The following SMYD2 variants were observed in gnomAD, a reference collection of about 807,000 sequenced individuals.
The protein encoded by SMYD2 is N-lysine methyltransferase SMYD2.
Under a neutral mutation model 59.1 loss-of-function variants are expected in SMYD2, and 53 were observed. The ratio of observed to expected loss-of-function variants is 0.90; its 90% CI spans 0.72 to 1.13. The LOEUF (loss-of-function observed/expected upper bound fraction) is 1.13, where lower values mean the gene tolerates loss of function less well. Ranked by LOEUF, SMYD2 falls within the 50% of genes most tolerant of loss-of-function variation. The pLI, the probability that SMYD2 is intolerant of heterozygous loss-of-function variation, is 0.00. For missense variants in SMYD2, 494 were observed against 544.7 expected, an observed-to-expected ratio of 0.91 and a Z score of 0.93; for synonymous variants, 208 against 198.8, an observed-to-expected ratio of 1.05 and a Z score of -0.39.
chr1:214,294,598 G>C (rs1013235248), intron 1 of SMYD2, among the ~76,000 whole-genome samples: 4 of 152,096 alleles, frequency 2.6e-5, no homozygotes, highest in African/African-American at 9.7e-5. Flanking sequence ...TTGAACCCGG[G>C]AGGCAGAGGT....
chr1:214,291,768 G>A (rs551895675), intron 1 of SMYD2, among the ~76,000 whole-genome samples: 2 of 152,234 alleles, frequency 1.3e-5, no homozygotes, highest in Non-Finnish European at 2.9e-5. Context: ...CTAAGAGAGA[G>A]CTTCGATCAG....
chr1:214,313,781 A>G (rs748064980), intron 2 of SMYD2, among the ~76,000 whole-genome samples: 103 of 151,928 alleles, frequency 6.8e-4, no homozygotes, highest in Non-Finnish European at 3.2e-4. Context: ...CCTTCTCTCA[A>G]TGCCTTCCCC....
intron 2 of SMYD2, 75 bp downstream of exon 2, chr1:214,305,325 A>G: frequency 1.5e-6 from 2 of 1,372,736 alleles, no homozygotes; most frequent in Non-Finnish European, 2.1e-6. Flanking sequence ...GGCATTCCTC[A>G]GCGCCCTCCT....
intron 2 of SMYD2, among the ~76,000 whole-genome samples, chr1:214,311,899 A>C (rs570341438): frequency 7.2e-5 from 11 of 152,038 alleles, no homozygotes; most frequent in Non-Finnish European, 1.5e-4. Context: ...GCATTTGTCT[A>C]TAGTTGTTAA....
chr1:214,282,396 T>TA (rs1235204233), intron 1 of SMYD2, among the ~76,000 whole-genome samples: 1 of 152,228 alleles, frequency 6.6e-6, no homozygotes, highest in Admixed American at 6.5e-5. Context: ...AGGTGCTCAG[T>TA]AAATTTACTA....
chr1:214,286,788 TACCA>T (rs1485189987), intron 1 of SMYD2, among the ~76,000 whole-genome samples: 12 of 139,144 alleles, frequency 8.6e-5, no homozygotes, highest in African/African-American at 3.2e-4. Flanking sequence ...ATACCCACCC[TACCA>T]ACCAAGCTAA....
At chr1:214,321,829 ACTTTT>A (rs1553255726) in intron 5 of SMYD2, among the ~76,000 whole-genome samples, 1 of 152,236 alleles carries the variant, frequency 6.6e-6, no homozygotes, top group Non-Finnish European at 1.5e-5. Context: ...ATGCAAGTTC[ACTTTT>A]CTTCTCTAGG....
intron 2 of SMYD2, among the ~76,000 whole-genome samples, chr1:214,310,123 T>C (rs1656976220): frequency 6.6e-6 from 1 of 152,222 alleles, no homozygotes; most frequent in Non-Finnish European, 1.5e-5. Flanking sequence ...AGGCAACATA[T>C]TTGCTCAGCA....
At chr1:214,304,914 C>G (rs1172928565) in intron 1 of SMYD2, among the ~76,000 whole-genome samples, 3 of 149,052 alleles carry the variant, frequency 2.0e-5, no homozygotes, top group Non-Finnish European at 2.9e-5. Flanking sequence ...GGTCACCAGT[C>G]AGTCAGAGCT....
intron 9 of SMYD2, 111 bp downstream of exon 9, chr1:214,331,181 G>A: frequency 6.7e-7 from 1 of 1,488,612 alleles, no homozygotes; most frequent in South Asian, 1.3e-5. Flanking sequence ...GAAAACCAAA[G>A]GAGGAATGTC....
At chr1:214,329,589 C>T (rs182843574) in intron 7 of SMYD2, among the ~76,000 whole-genome samples, 9 of 152,322 alleles carry the variant, frequency 5.9e-5, no homozygotes, top group Admixed American at 3.9e-4. Context: ...CCCGCTGGGC[C>T]AGGCCGCAGC....
intron 1 of SMYD2, among the ~76,000 whole-genome samples, chr1:214,302,113 TG>T (rs1656833597): frequency 6.6e-6 from 1 of 152,096 alleles, no homozygotes. Context: ...AGGCTGAGGC[TG>T]GTGGATCACC....
Position 214,310,165 on chromosome 1 carries a change from C to A in SMYD2, c.238-4597C>A, listed in dbSNP as rs80325436. 3.1e-3 allele frequency among the ~76,000 whole-genome samples: 465 copies of A among 152,364 alleles called. 1 individual carries two copies. Among genetic ancestry groups the A allele is most frequent in the African/African-American group, 0.011 (446 of 41,576 alleles). On this transcript the variant is annotated intron_variant, in intron 2 of 11. Transcript: ENST00000366957. ...TGGATGCCATAATAATCACTCTTTT[C>A]TTCCAGTGCTGGAAATGCTGGTGCA...
intron 1 of SMYD2, among the ~76,000 whole-genome samples, chr1:214,282,550 C>T (rs1656467662): frequency 6.6e-6 from 1 of 152,200 alleles, no homozygotes; most frequent in Non-Finnish European, 1.5e-5. Context: ...ACCTGCGGTC[C>T]TGCAGGGACC....
At chr1:214,299,465 T>TTTTATATATATATA (rs1553254477) in intron 1 of SMYD2, among the ~76,000 whole-genome samples, 8 of 71,608 alleles carry the variant, frequency 1.1e-4, no homozygotes, top group African/African-American at 5.9e-4. Context: ...AAAGAAAACA[T>TTTTATATATATATA]TATATATATA....
Position 214,336,765 on chromosome 1 carries a change from A to C in SMYD2, c.1283A>C (p.Gln428Pro), listed in dbSNP as rs1657446662. 3 of 1,613,576 alleles carry C rather than the reference A, an allele frequency of 1.9e-6. No homozygotes were observed. The highest frequency in any genetic ancestry group is 1.7e-6 in the Non-Finnish European group (2 of 1,179,948). Residue 428 changes from glutamine to proline, a missense_variant, in exon 12 of 12, where the codon CAG (glutamine) becomes CCG (proline). Gln to Pro is a moderately conservative substitution (Grantham distance 76). Coordinates refer to ENST00000366957, the MANE Select transcript of SMYD2 (RefSeq NM_020197.3). ...CATCCATATATTTCTGAGATCAAAC[A>C]GGAAATTGAAAGCCACTGAAACTAT... ...KDHPYISEIK[Q>P]EIESH
At chr1:214,282,019 C>G (rs1189309084) in intron 1 of SMYD2, among the ~76,000 whole-genome samples, 1 of 152,190 alleles carries the variant, frequency 6.6e-6, no homozygotes, top group African/African-American at 2.4e-5. Context: ...TGAGGTGCTG[C>G]GACGATGAGT....
At chr1:214,289,647 G>A (rs1656605756) in intron 1 of SMYD2, among the ~76,000 whole-genome samples, 1 of 152,200 alleles carries the variant, frequency 6.6e-6, no homozygotes, top group Non-Finnish European at 1.5e-5. Context: ...ACATGTGTAT[G>A]TGTGTCCTGA....
At position 214,332,061 on chromosome 1, in the gene SMYD2, G is replaced by T. The variant is rs773431617; in HGVS notation, c.981G>T (p.Lys327Asn). The T allele has an allele frequency of 1.9e-5, 30 of 1,613,932 alleles. No homozygotes were observed. The highest frequency in any genetic ancestry group is 2.5e-6 in the Non-Finnish European group (3 of 1,180,040). ...AGATCTGCGAGCTCAGCCAGGAGAA[G>T]ATGAGCTCTGTGTTTGAGGACAGTA... ...LLEICELSQE[K>N]MSSVFEDSNV... is the part of the protein sequence containing the mutation. Residue 327 changes from lysine (K) to asparagine (N), a missense_variant, in exon 10 of 12, where the codon AAG (lysine) becomes AAT (asparagine). By Grantham distance (94) the Lys-to-Asn change is moderately conservative. Coordinates refer to ENST00000366957, the MANE Select transcript of SMYD2 (RefSeq NM_020197.3).
Sources: gnomAD v4.1 joint callset for allele counts (sites outside exome capture counted in the v4.1 genomes callset) on GRCh38, gnomAD v4.1.1 for gene constraint, MANE v1.5 for transcripts, NCBI Gene and HGNC (gene_info 2026-07-23, HGNC 2026-07-21) for gene names.